RNF185: variants seen among roughly 807,000 people sequenced by gnomAD.
RNF185 encodes E3 ubiquitin-protein ligase RNF185.
Under a neutral mutation model 24.9 loss-of-function variants are expected in RNF185, and 13 were observed. That is an observed-to-expected ratio of 0.52 (90% CI 0.34 to 0.83). The LOEUF (loss-of-function observed/expected upper bound fraction) is 0.83. Among genes scored for constraint, RNF185 ranks in the 40% least tolerant of loss-of-function variants. The probability of loss-of-function intolerance (pLI) is 0.01; values close to 1 mark genes in which losing one functional copy is unlikely to be tolerated. For missense variants in RNF185, 184 were observed against 244.7 expected, an observed-to-expected ratio of 0.75 and a Z score of 1.65; for synonymous variants, 79 against 90.3, an observed-to-expected ratio of 0.88 and a Z score of 0.71.
chr22:31,201,482 C>G lies in RNF185; in HGVS notation c.364-16C>G. ...TGCCTGATTCTCCTGCCCTTAATTGCCTTTCTTCCACACAGGGATTTCAAG... is the reference window on the plus strand; with the variant it reads ...TGCCTGATTCTCCTGCCCTTAATTGGCTTTCTTCCACACAGGGATTTCAAG... On this transcript the variant is annotated splice_polypyrimidine_tract_variant and intron_variant, in intron 5 of 6. Transcript: ENST00000326132. 1 of 1,589,762 alleles carries G rather than the reference C, an allele frequency of 6.3e-7. No homozygotes were observed. The highest frequency in any genetic ancestry group is 8.6e-7 in the Non-Finnish European group (1 of 1,159,568).
intron 1 of RNF185, among the ~76,000 whole-genome samples, chr22:31,179,990 T>C (rs1288465734): frequency 6.6e-6 from 1 of 151,590 alleles, no homozygotes; most frequent in Non-Finnish European, 1.5e-5. Context: ...AGAAAAGAGA[T>C]TCAAATCATC....
intron 2 of RNF185, among the ~76,000 whole-genome samples, chr22:31,188,590 GC>G (rs2048122313): frequency 6.6e-6 from 1 of 152,088 alleles, no homozygotes; most frequent in South Asian, 2.1e-4. Flanking sequence ...ACTTTGAGAG[GC>G]CATGGTGGGA....
chr22:31,176,064 A>G (rs1048557951), intron 1 of RNF185, among the ~76,000 whole-genome samples: 2 of 151,290 alleles, frequency 1.3e-5, no homozygotes, highest in Non-Finnish European at 2.9e-5. Flanking sequence ...TGCTTGGCCT[A>G]TTTTCTCCTG....
chr22:31,173,014 A>C (rs967005846), intron 1 of RNF185, among the ~76,000 whole-genome samples: 2 of 152,168 alleles, frequency 1.3e-5, no homozygotes, highest in African/African-American at 4.8e-5. Flanking sequence ...GTTTGATTGA[A>C]ATTAAATCCC....
chr22:31,187,347 G>A, intron 2 of RNF185, 77 bp downstream of exon 2: 2 of 1,488,318 alleles, frequency 1.3e-6, no homozygotes, highest in Non-Finnish European at 9.3e-7. Context: ...GTTTGGAGCA[G>A]AATGCTTCCT....
intron 1 of RNF185, among the ~76,000 whole-genome samples, chr22:31,178,125 T>G (rs1166756796): frequency 6.6e-6 from 1 of 152,242 alleles, no homozygotes; most frequent in Non-Finnish European, 1.5e-5. Flanking sequence ...GCACCACATG[T>G]GTTGCCCTGG....
intron 2 of RNF185, among the ~76,000 whole-genome samples, chr22:31,188,395 C>T (rs1446517156): frequency 6.6e-6 from 1 of 152,124 alleles, no homozygotes; most frequent in East Asian, 1.9e-4. Flanking sequence ...TCCACATTCT[C>T]CTAGAAATTC....
intron 1 of RNF185, among the ~76,000 whole-genome samples, chr22:31,185,509 C>CT (rs2048090381): frequency 6.6e-6 from 1 of 152,094 alleles, no homozygotes; most frequent in Non-Finnish European, 1.5e-5. Flanking sequence ...GAGGCACAGT[C>CT]TAAGAGCTGG....
intron 2 of RNF185, among the ~76,000 whole-genome samples, chr22:31,190,721 A>C (rs2048148081): frequency 6.6e-6 from 1 of 151,940 alleles, no homozygotes; most frequent in African/African-American, 2.4e-5. Flanking sequence ...CTCGTGCTTC[A>C]GCCTCCTATG....
At chr22:31,190,479 G>T (rs562689525) in intron 2 of RNF185, among the ~76,000 whole-genome samples, 1 of 152,046 alleles carries the variant, frequency 6.6e-6, no homozygotes, top group South Asian at 2.1e-4. Context: ...TAGAGACGGG[G>T]TTTTACCATG....
At chr22:31,198,092 C>T (rs1473165110) in intron 5 of RNF185, among the ~76,000 whole-genome samples, 1 of 152,164 alleles carries the variant, frequency 6.6e-6, no homozygotes, top group African/African-American at 2.4e-5. Context: ...AGTATATTCT[C>T]ATATCCTCAT....
Position 31,204,677 on chromosome 22 carries a change from C to T in RNF185, c.*91C>T. The T allele has an allele frequency of 1.3e-6, 1 of 793,152 alleles. No individual in the cohort carries two copies. Among genetic ancestry groups the T allele is most frequent in the Non-Finnish European group, 2.2e-6 (1 of 444,728 alleles). 49.1% of individuals were successfully genotyped at this position (793,152 alleles called of 1,614,324 possible). A position where few individuals can be genotyped will look rare whatever the true frequency, so the allele number is the denominator to read the frequency against. On this transcript the variant is annotated 3_prime_UTR_variant, in exon 7 of 7. Coordinates refer to ENST00000326132, the MANE Select transcript of RNF185 (RefSeq NM_152267.4). ...TGTTTGGCTTCCTGGCTAATCTTGA[C>T]TCCTGGAATCAGTGGGATCAGTAAC...
intron 2 of RNF185, among the ~76,000 whole-genome samples, chr22:31,188,487 G>A (rs1298991194): frequency 1.3e-5 from 2 of 152,144 alleles, no homozygotes; most frequent in African/African-American, 2.4e-5. Context: ...CCCCTGATTT[G>A]ATTATGTGAA....
At chr22:31,189,911 G>C (rs1389504420) in intron 2 of RNF185, among the ~76,000 whole-genome samples, 1 of 151,892 alleles carries the variant, frequency 6.6e-6, no homozygotes, top group African/African-American at 2.4e-5. Context: ...TTTTTTTAAA[G>C]GCAGAATGCC....
intron 6 of RNF185, 87 bp downstream of exon 6, chr22:31,201,702 C>G: frequency 3.3e-6 from 3 of 911,298 alleles, no homozygotes; most frequent in Admixed American, 2.0e-5. Context: ...ATATAAGTTA[C>G]AGATAATTGT....
At chr22:31,182,618 T>C (rs2048050383) in intron 1 of RNF185, among the ~76,000 whole-genome samples, 1 of 151,876 alleles carries the variant, frequency 6.6e-6, no homozygotes, top group Non-Finnish European at 1.5e-5. Flanking sequence ...TTCCTTCATA[T>C]CGAGTAATAC....
intron 1 of RNF185, among the ~76,000 whole-genome samples, chr22:31,184,094 G>T (rs933568816): frequency 6.6e-6 from 1 of 150,986 alleles, no homozygotes; most frequent in African/African-American, 2.4e-5. Context: ...GGCTGGCCGG[G>T]CGGGGGCTGC....
intron 5 of RNF185, among the ~76,000 whole-genome samples, chr22:31,197,423 T>C (rs2048216509): frequency 2.0e-5 from 3 of 152,226 alleles, no homozygotes; most frequent in African/African-American, 7.2e-5. Context: ...AGCAATATTT[T>C]ACTAACTAGC....
At chr22:31,186,285 A>C (rs2048097245) in intron 1 of RNF185, among the ~76,000 whole-genome samples, 1 of 152,104 alleles carries the variant, frequency 6.6e-6, no homozygotes, top group African/African-American at 2.4e-5. Flanking sequence ...CTATCCTTTC[A>C]TAGTTACAGG....
Sources: gnomAD v4.1 joint callset for allele counts (sites outside exome capture counted in the v4.1 genomes callset) on GRCh38, gnomAD v4.1.1 for gene constraint, MANE v1.5 for transcripts, NCBI Gene and HGNC (gene_info 2026-07-23, HGNC 2026-07-21) for gene names.